SNX29: variants seen among roughly 807,000 people sequenced by gnomAD.
The protein encoded by SNX29 is sorting nexin-29.
SNX29 carries 78 observed loss-of-function variants against 102.1 expected under a neutral mutation model. The ratio of observed to expected loss-of-function variants is 0.76; its 90% CI spans 0.64 to 0.92. SNX29 has a LOEUF of 0.92. SNX29 is among the 40% of genes least tolerant of loss of function. SNX29 has a pLI of 0.00. For missense variants in SNX29, 1,280 were observed against 1,061.7 expected, an observed-to-expected ratio of 1.21 and a Z score of -2.86; for synonymous variants, 580 against 414.5, an observed-to-expected ratio of 1.40 and a Z score of -4.85.
rs1256643874 is a variant in SNX29, at chr16:12,058,475, G to GT, written c.1125-3042dup. ...GCAGTAGCCCTTGGGGCCCACTGGTGTTTTTTTTTTTGGTTTTTGGTTTTT... is the reference window on the plus strand; with the variant it reads ...GCAGTAGCCCTTGGGGCCCACTGGTGTTTTTTTTTTTTGGTTTTTGGTTTTT... On this transcript the variant is annotated intron_variant, in intron 8 of 20. Coordinates refer to ENST00000566228, the MANE Select transcript of SNX29 (RefSeq NM_032167.5). 2.9e-3 allele frequency among the ~76,000 whole-genome samples: 282 copies of GT among 96,184 alleles called. 2 individuals are homozygous for GT. The highest frequency in any genetic ancestry group is 6.3e-3 in the African/African-American group (154 of 24,504). The allele number at this position is 96,184 out of a possible 152,430, so 63.1% of individuals were successfully genotyped here.
chr16:12,556,880 T>TGAGGAGACAGA (rs879268149), intron 20 of SNX29, among the ~76,000 whole-genome samples: 1,692 of 151,238 alleles, frequency 0.011, 25 homozygotes, highest in African/African-American at 0.039. Flanking sequence ...TGAGATAGGG[T>TGAGGAGACAGA]CTCCGTCTGT....
chr16:12,059,475 C>G (rs951868169), intron 8 of SNX29, among the ~76,000 whole-genome samples: 8 of 152,202 alleles, frequency 5.3e-5, no homozygotes, highest in African/African-American at 9.6e-5. Context: ...GTCTGAAAGC[C>G]TCATTGTGGT....
At chr16:12,438,260 C>T (rs1261243341) in intron 18 of SNX29, among the ~76,000 whole-genome samples, 2 of 152,186 alleles carry the variant, frequency 1.3e-5, no homozygotes, top group Non-Finnish European at 2.9e-5. Context: ...GCAGGCGTCC[C>T]AGCCCCACCT....
rs869193950 is a variant in SNX29 at position 12,242,367 on chromosome 16, A to AT, written c.1679-35550dup. 1.3e-3 allele frequency among the ~76,000 whole-genome samples: 178 copies of AT among 141,598 alleles called. 1 individual carries two copies. Among genetic ancestry groups the AT allele is most frequent in the Admixed American group, 4.4e-3 (61 of 13,876 alleles). 92.9% of individuals were successfully genotyped at this position (141,598 alleles called of 152,430 possible). Reference sequence around the variant, plus strand: ...TATATATAATAATATATATATATATATTTTTTTTTTTTTTTTAAGAAGAGG... The same window carrying AT: ...TATATATAATAATATATATATATATATTTTTTTTTTTTTTTTTAAGAAGAGG... On this transcript the variant is annotated intron_variant, in intron 14 of 20. Coordinates refer to ENST00000566228, the MANE Select transcript of SNX29 (RefSeq NM_032167.5).
chr16:11,996,317 G>A (rs1379951114), intron 1 of SNX29, among the ~76,000 whole-genome samples: 3 of 152,190 alleles, frequency 2.0e-5, no homozygotes, highest in Non-Finnish European at 4.4e-5. Flanking sequence ...CCAGGAGGTT[G>A]AGACTGTAGA....
chr16:12,348,491 G>A (rs936881761), intron 15 of SNX29, among the ~76,000 whole-genome samples: 2 of 152,206 alleles, frequency 1.3e-5, no homozygotes, highest in African/African-American at 4.8e-5. Flanking sequence ...TCTGCCTGCT[G>A]ATGGCAGCCA....
At chr16:12,448,094 A>G (rs2086144238) in intron 18 of SNX29, among the ~76,000 whole-genome samples, 1 of 152,234 alleles carries the variant, frequency 6.6e-6, no homozygotes, top group Non-Finnish European at 1.5e-5. Flanking sequence ...CCAGGGCAAC[A>G]GCAAAAATGA....
At chr16:12,474,225 C>T (rs1381412551) in intron 18 of SNX29, among the ~76,000 whole-genome samples, 2 of 152,186 alleles carry the variant, frequency 1.3e-5, no homozygotes, top group Non-Finnish European at 2.9e-5. Flanking sequence ...GTACCATCTG[C>T]CTTGCAGATT....
chr16:12,131,243 A>G (rs1292257209), intron 13 of SNX29, among the ~76,000 whole-genome samples: 2 of 152,236 alleles, frequency 1.3e-5, no homozygotes, highest in Non-Finnish European at 2.9e-5. Context: ...TTCTCTAATT[A>G]AGAGTATGGT....
rs562662286 is a variant in SNX29, at chr16:12,432,697, C to T, written c.2037+29168C>T. ...ACAGGGCTGTCTAGGTCCATGCCTT[C>T]ACTTGACAGTGACAGGAGCTTGGCT... On this transcript the variant is annotated intron_variant, in intron 18 of 20. Transcript: ENST00000566228. Among the ~76,000 whole-genome samples, 3 of 152,352 alleles carry T rather than the reference C, an allele frequency of 2.0e-5. No homozygotes were observed. In the South Asian group the frequency reaches 6.2e-4, roughly 32 times the overall value.
At chr16:12,202,157 A>G (rs28678669) in intron 14 of SNX29, among the ~76,000 whole-genome samples, 1 of 152,300 alleles carries the variant, frequency 6.6e-6, no homozygotes, top group East Asian at 1.9e-4. Context: ...AAAAGCCTCC[A>G]GGATTTAAAC....
rs2288424 is a variant in SNX29 at position 12,568,655 on chromosome 16, C to A, written c.*26C>A. On this transcript the variant is annotated 3_prime_UTR_variant, in exon 21 of 21. Coordinates refer to ENST00000566228, the MANE Select transcript of SNX29 (RefSeq NM_032167.5). Reference sequence around the variant, plus strand: ...CCTCGACAAAACCGCAGCCACGGGCCCTGTGCGTGGCACCAGCTGCGTCCA... The same window carrying A: ...CCTCGACAAAACCGCAGCCACGGGCACTGTGCGTGGCACCAGCTGCGTCCA... The A allele has an allele frequency of 1.9e-6, 3 of 1,598,372 alleles. No individual in the cohort carries two copies. Among genetic ancestry groups the A allele is most frequent in the Non-Finnish European group, 2.5e-6 (3 of 1,178,934 alleles).
chr16:12,547,951 G>C (rs759659766), intron 20 of SNX29, among the ~76,000 whole-genome samples: 3 of 152,138 alleles, frequency 2.0e-5, no homozygotes, highest in East Asian at 1.9e-4. Context: ...CTGCCCTCAA[G>C]GTGCTCAGTC....
intron 18 of SNX29, among the ~76,000 whole-genome samples, chr16:12,436,301 G>T (rs950292980): frequency 1.3e-5 from 2 of 152,136 alleles, no homozygotes; most frequent in African/African-American, 4.8e-5. Context: ...GCTCACAGAC[G>T]TTTCTATTCG....
In SNX29 at chr16:12,043,038, G is replaced by T. The variant is rs752948268; in HGVS notation, c.389G>T (p.Arg130Leu). Residue 130 changes from arginine (R) to leucine (L), a missense_variant, in exon 5 of 21, where the codon CGC (arginine) becomes CTC (leucine). Transcript: ENST00000566228. ...RCALNEHSLE[R>L]YLHMLLADRC... ...GCCCTCAACGAACACTCCCTGGAGC[G>T]CTACCTGCACATGCTCCTGGCCGAC... is the stretch of plus-strand genomic sequence containing the variant. 6.2e-7 allele frequency: 1 copy of T among 1,613,476 alleles called. No individual in the cohort carries two copies. Among genetic ancestry groups the T allele is most frequent in the Admixed American group, 1.7e-5 (1 of 60,012 alleles).
chr16:12,416,129 C>G (rs867203603), intron 18 of SNX29, among the ~76,000 whole-genome samples: 3 of 152,146 alleles, frequency 2.0e-5, no homozygotes, highest in African/African-American at 4.8e-5. Flanking sequence ...GGTAAGGAAC[C>G]CAGAACTGGG....
intron 18 of SNX29, among the ~76,000 whole-genome samples, chr16:12,421,678 TCATCAAC>T (rs1263561056): frequency 1.3e-5 from 2 of 152,190 alleles, no homozygotes; most frequent in Non-Finnish European, 2.9e-5. Context: ...GCCACTGCTG[TCATCAAC>T]CATGATCACC....
In SNX29 at chr16:12,210,381, G is replaced by A. The variant is rs527400924; in HGVS notation, c.1678+10698G>A. Among the ~76,000 whole-genome samples the A allele has an allele frequency of 1.5e-4, 23 of 150,262 alleles. No homozygotes were observed. In the Middle Eastern group the frequency reaches 0.014, roughly 91 times the overall value. ...CTTGCTGTGTTGCCCAGGCTGGAGCGCAGCTGGACGATCATAGTTCACTGC... is the reference window on the plus strand; with the variant it reads ...CTTGCTGTGTTGCCCAGGCTGGAGCACAGCTGGACGATCATAGTTCACTGC... On this transcript the variant is annotated intron_variant, in intron 14 of 20. Transcript: ENST00000566228.
At chr16:12,454,659 G>T (rs1270391903) in intron 18 of SNX29, among the ~76,000 whole-genome samples, 1 of 152,170 alleles carries the variant, frequency 6.6e-6, no homozygotes, top group African/African-American at 2.4e-5. Flanking sequence ...TGGGAATTTA[G>T]ACTTGAGCTT....
Sources: gnomAD v4.1 joint callset for allele counts (sites outside exome capture counted in the v4.1 genomes callset) on GRCh38, gnomAD v4.1.1 for gene constraint, MANE v1.5 for transcripts, NCBI Gene and HGNC (gene_info 2026-07-23, HGNC 2026-07-21) for gene names.